Variants in LYN observed in about 807,000 individuals in gnomAD.
The protein encoded by LYN is tyrosine-protein kinase Lyn.
A neutral mutation model predicts 65.0 loss-of-function variants in LYN; 12 were observed. That is an observed-to-expected ratio of 0.18 (90% CI 0.12 to 0.30). The LOEUF (loss-of-function observed/expected upper bound fraction) is 0.30, where lower values mean the gene tolerates loss of function less well. LYN is among the 10% of genes least tolerant of loss of function. LYN has a pLI of 1.00. For missense variants in LYN, 380 were observed against 623.2 expected (o/e 0.61, Z 4.16); for synonymous variants, 222 against 221.2 (o/e 1.00, Z -0.03).
At position 56,010,053 on chromosome 8, in the gene LYN, G is replaced by A. The variant is rs774354225; in HGVS notation, c.1482G>A (p.Gln494=). The change falls in exon 13 of 13, where the codon CAG becomes CAA. Residue 494 remains glutamine, a synonymous_variant. Transcript: ENST00000519728. The part of the protein sequence containing the change: ...AEERPTFDYL[Q]SVLDDFYTAT... The stretch of plus-strand genomic sequence containing the variant: ...AGAGACCAACGTTTGACTACTTACA[G>A]AGCGTCCTGGATGATTTCTACACAG... The A allele has an allele frequency of 1.4e-5, 22 of 1,614,042 alleles. No homozygotes were observed. Among genetic ancestry groups the A allele is most frequent in the Non-Finnish European group, 1.6e-5 (19 of 1,180,038 alleles).
Position 55,915,228 on chromosome 8 carries a change from G to A in LYN, c.-5-26627G>A, listed in dbSNP as rs113913959. Reference sequence around the variant, plus strand: ...TGCTGCCTGCCTTCCATATTCCAACGCATAAGGTTCTTTGCCTGATGTCTT... The same window carrying A: ...TGCTGCCTGCCTTCCATATTCCAACACATAAGGTTCTTTGCCTGATGTCTT... On this transcript the variant is annotated intron_variant, in intron 1 of 12. Coordinates refer to ENST00000519728, the MANE Select transcript of LYN (RefSeq NM_002350.4). Among the ~76,000 whole-genome samples, 139 of 152,190 alleles carry A rather than the reference G, an allele frequency of 9.1e-4. 3 individuals carry two copies. The highest frequency in any genetic ancestry group is 2.9e-3 in the African/African-American group (120 of 41,524).
chr8:55,960,507 T>G (rs2130511162), intron 8 of LYN, among the ~76,000 whole-genome samples: 1 of 152,356 alleles, frequency 6.6e-6, no homozygotes, highest in Middle Eastern at 3.4e-3. Context: ...TTTAAATATG[T>G]TGAATACACA....
intron 1 of LYN, among the ~76,000 whole-genome samples, chr8:55,923,712 G>A (rs1215873892): frequency 6.6e-6 from 1 of 151,918 alleles, no homozygotes; most frequent in East Asian, 1.9e-4. Flanking sequence ...CCTGATTTTT[G>A]TATTTTTAGT....
At chr8:56,008,125 AAAAT>A (rs1808722773) in intron 12 of LYN, among the ~76,000 whole-genome samples, 1 of 133,608 alleles carries the variant, frequency 7.5e-6, no homozygotes, top group African/African-American at 3.0e-5. Context: ...CCTCAAAAAA[AAAAT>A]AAAATAAAAT....
At position 55,966,381 on chromosome 8, in the gene LYN, T is replaced by G. The variant is rs1351931834; in HGVS notation, c.791-334T>G. Reference sequence around the variant, plus strand: ...AGTGAAGTTTTAATTTTTTTTTTTTTAATTGAGACGGAGTCGCACTCTGTC... The same window carrying G: ...AGTGAAGTTTTAATTTTTTTTTTTTGAATTGAGACGGAGTCGCACTCTGTC... On this transcript the variant is annotated intron_variant, in intron 8 of 12. Coordinates refer to ENST00000519728, the MANE Select transcript of LYN (RefSeq NM_002350.4). Among the ~76,000 whole-genome samples the G allele has an allele frequency of 5.9e-5, 9 of 151,684 alleles. No homozygotes were observed. The East Asian group carries it at 1.7e-3, about 29-fold the overall frequency.
intron 1 of LYN, among the ~76,000 whole-genome samples, chr8:55,918,653 T>C (rs992205038): frequency 1.1e-4 from 16 of 152,026 alleles, no homozygotes; most frequent in African/African-American, 3.9e-4. Context: ...GTGTTCGGGG[T>C]TGTCTCGGTT....
intron 1 of LYN, among the ~76,000 whole-genome samples, chr8:55,933,017 C>T (rs761631336): frequency 4.6e-5 from 7 of 152,216 alleles, no homozygotes; most frequent in Non-Finnish European, 1.0e-4. Flanking sequence ...GTACTATGCT[C>T]ACTACCTGGA....
intron 1 of LYN, among the ~76,000 whole-genome samples, chr8:55,907,408 A>C (rs1473698783): frequency 6.6e-6 from 1 of 152,234 alleles, no homozygotes; most frequent in Non-Finnish European, 1.5e-5. Context: ...GAACAGGGTC[A>C]TGAGAGGGGA....
intron 1 of LYN, among the ~76,000 whole-genome samples, chr8:55,886,781 A>G (rs764340056): frequency 2.0e-5 from 3 of 152,254 alleles, no homozygotes; most frequent in Non-Finnish European, 4.4e-5. Context: ...TTCAGGGCAC[A>G]TGTGATAATT....
intron 1 of LYN, among the ~76,000 whole-genome samples, chr8:55,916,814 A>T (rs1229693504): frequency 6.6e-6 from 1 of 152,160 alleles, no homozygotes; most frequent in African/African-American, 2.4e-5. Context: ...GATTTTTGTT[A>T]ATTTTGGGTG....
Position 55,952,051 on chromosome 8 carries a change from G to A in LYN, c.573G>A (p.Gly191=). The A allele has an allele frequency of 6.2e-7, 1 of 1,611,166 alleles. No individual in the cohort carries two copies. Among genetic ancestry groups the A allele is most frequent in the Non-Finnish European group, 8.5e-7 (1 of 1,179,046 alleles). ...ACAAAATTAGAAGTCTGGATAATGG[G>A]GGCTATTACATCTCTCCACGAATCA... ...KHYKIRSLDN[G]GYYISPRITF... The change falls in exon 7 of 13, where the codon GGG becomes GGA. Residue 191 remains glycine, a synonymous_variant. Transcript: ENST00000519728.
At chr8:56,003,069 T>G (rs1029221329) in intron 12 of LYN, among the ~76,000 whole-genome samples, 33 of 151,722 alleles carry the variant, frequency 2.2e-4, no homozygotes, top group East Asian at 7.8e-4. Context: ...TTTGTTTTTT[T>G]TTTTTTTTGA....
chr8:55,969,917 T>A, intron 10 of LYN, 124 bp downstream of exon 10: 1 of 798,526 alleles, frequency 1.3e-6, no homozygotes, highest in Admixed American at 2.0e-5. Flanking sequence ...GCAGCAGTTA[T>A]GAGAAAAAGA....
At chr8:55,882,589 G>A (rs116188338) in intron 1 of LYN, among the ~76,000 whole-genome samples, 1 of 152,096 alleles carries the variant, frequency 6.6e-6, no homozygotes, top group African/African-American at 2.4e-5. Context: ...ACATTGAAAG[G>A]CCACCACAAT....
At chr8:55,889,686 C>G (rs1308769208) in intron 1 of LYN, among the ~76,000 whole-genome samples, 1 of 152,150 alleles carries the variant, frequency 6.6e-6, no homozygotes, top group Non-Finnish European at 1.5e-5. Context: ...GCGACTTGCT[C>G]AGGAGATCCC....
chr8:55,953,757 C>CA (rs139088209), intron 7 of LYN, 75 bp from the exon 8 acceptor site: 69,831 of 1,456,642 alleles, frequency 0.048, 6,002 homozygotes, highest in African/African-American at 0.38. Flanking sequence ...GGCTAGTGTT[C>CA]AACTTTTCTT....
chr8:55,914,763 A>G (rs1805738013), intron 1 of LYN, among the ~76,000 whole-genome samples: 1 of 152,228 alleles, frequency 6.6e-6, no homozygotes, highest in South Asian at 2.1e-4. Context: ...CCTAATTGGT[A>G]AAATAAGAAA....
chr8:55,999,361 T>A lies in LYN; in HGVS notation c.1205-57T>A, dbSNP rs1808456143. 5 of 1,505,022 alleles carry A rather than the reference T, an allele frequency of 3.3e-6. No individual in the cohort carries two copies. The Admixed American group carries it at 9.3e-5, about 28-fold the overall frequency. The allele number at this position is 1,505,022 out of a possible 1,614,324, so 93.2% of individuals were successfully genotyped here. ...AAGAAAGTATGGGGTCACATGTTCA[T>A]GACTTTTTTGTTTAAGTTTAAATAC... On this transcript the variant is annotated intron_variant, in intron 11 of 12. Transcript: ENST00000519728.
intron 1 of LYN, among the ~76,000 whole-genome samples, chr8:55,923,035 T>G (rs993448011): frequency 6.6e-6 from 1 of 152,078 alleles, no homozygotes; most frequent in Admixed American, 6.6e-5. Flanking sequence ...TGACAGGGCT[T>G]GAGGGAGGGT....
Sources: allele counts gnomAD v4.1 joint callset (sites outside exome capture counted in the v4.1 genomes callset), GRCh38; gene constraint gnomAD v4.1.1; transcripts MANE v1.5; gene names NCBI Gene and HGNC (gene_info 2026-07-23, HGNC 2026-07-21).